NELL2: variants seen among roughly 807,000 people sequenced by gnomAD.
NELL2 encodes the protein protein kinase C-binding protein NELL2.
Under a neutral mutation model 109.6 loss-of-function variants are expected in NELL2, and 41 were observed. The ratio of observed to expected loss-of-function variants is 0.37; its 90% CI spans 0.29 to 0.49. The LOEUF (loss-of-function observed/expected upper bound fraction) is 0.49, where lower values mean the gene tolerates loss of function less well. Ranked by LOEUF, NELL2 falls within the 20% of genes least tolerant of loss-of-function variation. NELL2 has a pLI of 0.98. For synonymous variants in NELL2, 355 were observed against 344.7 expected (o/e 1.03, Z -0.33); for missense variants, 900 against 1,008.3 (o/e 0.89, Z 1.45).
At chr12:44,570,562 TAGTATC>T (rs2136194916) in intron 15 of NELL2, among the ~76,000 whole-genome samples, 1 of 152,288 alleles carries the variant, frequency 6.6e-6, no homozygotes, top group Admixed American at 6.5e-5. Context: ...ATTTTCCTAT[TAGTATC>T]ATTGCCATGG....
intron 16 of NELL2, among the ~76,000 whole-genome samples, chr12:44,525,746 A>C (rs1374042082): frequency 6.6e-6 from 1 of 152,224 alleles, no homozygotes; most frequent in Non-Finnish European, 1.5e-5. Flanking sequence ...GTCAGCTGTC[A>C]TGTAACTTGG....
intron 13 of NELL2, among the ~76,000 whole-genome samples, chr12:44,655,520 A>T (rs779226626): frequency 4.6e-5 from 7 of 152,176 alleles, no homozygotes; most frequent in Non-Finnish European, 1.0e-4. Context: ...ATGCATGCAC[A>T]TATGTGTTTC....
rs566363968 is a variant in NELL2, at chr12:44,844,503, T to C, written c.185-28367A>G. Among the ~76,000 whole-genome samples the C allele has an allele frequency of 2.0e-5, 3 of 152,278 alleles. No homozygotes were observed. In the East Asian group the frequency reaches 5.8e-4, roughly 29 times the overall value. On this transcript the variant is annotated intron_variant, in intron 2 of 19. Coordinates refer to ENST00000429094, the MANE Select transcript of NELL2 (RefSeq NM_001145108.2). ...TACAACATAGAAAACTAAGCAATTG[T>C]AAAAATCAGCCTCCTCAAAGGTGGG...
At position 44,524,381 on chromosome 12, in the gene NELL2, A is replaced by G. The variant is rs1251442950; in HGVS notation, c.1805-897T>C. On this transcript the variant is annotated intron_variant, in intron 16 of 19. Transcript: ENST00000429094. ...TCAGAGACATGGTATGAGTGGCAAT[A>G]AGTAGTTATTTCCCATTTCATCAGT... Among the ~76,000 whole-genome samples, 4 of 152,332 alleles carry G rather than the reference A, an allele frequency of 2.6e-5. No individual in the cohort carries two copies. The East Asian group carries it at 7.7e-4, about 29-fold the overall frequency.
At chr12:44,871,884 C>A (rs139957256) in intron 2 of NELL2, among the ~76,000 whole-genome samples, 116 of 152,242 alleles carry the variant, frequency 7.6e-4, no homozygotes, top group African/African-American at 2.5e-3. Flanking sequence ...CACTTCTCTT[C>A]TATGGATTAA....
In NELL2 at chr12:44,520,073, T is replaced by C; in HGVS notation, c.2332A>G (p.Asn778Asp). ...GAGGACCCGGTGAAGCGAACCACATTCATTTCGTCCAGGCAAGTCTTGGTG... is the reference window on the plus strand; with the variant it reads ...GAGGACCCGGTGAAGCGAACCACATCCATTTCGTCCAGGCAAGTCTTGGTG... ...DITKTCLDEM[N>D]VVRFTGSSWI... The change falls in exon 19 of 20, where the codon AAT becomes GAT. Residue 778 changes from asparagine to aspartate, a missense_variant. Asn to Asp is a conservative substitution (Grantham distance 23). Around this residue, in one of 4 missense-constraint regions of NELL2, gnomAD observed 333 missense variants for 432.3 expected, o/e 0.77. Transcript: ENST00000429094. The C allele has an allele frequency of 6.2e-7, 1 of 1,614,106 alleles. No homozygotes were observed. Among genetic ancestry groups the C allele is most frequent in the Non-Finnish European group, 8.5e-7 (1 of 1,180,022 alleles).
At position 44,779,774 on chromosome 12, in the gene NELL2, C is replaced by T. The variant is rs1481896184; in HGVS notation, c.510-15G>A. On this transcript the variant is annotated splice_polypyrimidine_tract_variant and intron_variant, in intron 4 of 19. Transcript: ENST00000429094. Reference sequence around the variant, plus strand: ...TTTCATAAATTCTGCAAAAAAGAAACATCAAAGAAGGAACGTGAGTAGACA... The same window carrying T: ...TTTCATAAATTCTGCAAAAAAGAAATATCAAAGAAGGAACGTGAGTAGACA... 2 of 1,613,656 alleles carry T rather than the reference C, an allele frequency of 1.2e-6. No individual in the cohort carries two copies. Among genetic ancestry groups the T allele is most frequent in the Non-Finnish European group, 1.7e-6 (2 of 1,179,666 alleles).
chr12:44,707,517 T>A (rs1258312725), intron 11 of NELL2, among the ~76,000 whole-genome samples: 1 of 152,156 alleles, frequency 6.6e-6, no homozygotes, highest in Non-Finnish European at 1.5e-5. Context: ...GGCCTACATA[T>A]TCCATTTTTT....
At chr12:44,673,224 AT>A (rs1279639720) in intron 12 of NELL2, among the ~76,000 whole-genome samples, 2 of 152,324 alleles carry the variant, frequency 1.3e-5, no homozygotes, top group East Asian at 3.9e-4. Flanking sequence ...AGTCATTTCC[AT>A]TTACATGTAC....
chr12:44,726,535 T>C (rs931764365), intron 9 of NELL2, among the ~76,000 whole-genome samples: 5 of 152,192 alleles, frequency 3.3e-5, no homozygotes, highest in Admixed American at 3.3e-4. Context: ...TCAACTTTAT[T>C]TCATTCTAAA....
At chr12:44,731,189 T>C (rs967737587) in intron 9 of NELL2, among the ~76,000 whole-genome samples, 2 of 152,110 alleles carry the variant, frequency 1.3e-5, no homozygotes, top group African/African-American at 4.8e-5. Flanking sequence ...TTAATGGTAA[T>C]CTTTTTCAAA....
chr12:44,573,114 G>C (rs1200547960), intron 15 of NELL2, among the ~76,000 whole-genome samples: 1 of 152,208 alleles, frequency 6.6e-6, no homozygotes, highest in African/African-American at 2.4e-5. Context: ...TCTTAGAAAT[G>C]AGAGCATAGC....
At chr12:44,834,717 T>G (rs1391476008) in intron 2 of NELL2, among the ~76,000 whole-genome samples, 3 of 152,056 alleles carry the variant, frequency 2.0e-5, no homozygotes, top group African/African-American at 7.2e-5. Flanking sequence ...CCTCCTCACT[T>G]AGACCTTTAA....
chr12:44,875,047 G>T, intron 2 of NELL2, 178 bp downstream of exon 2: 1 of 750,590 alleles, frequency 1.3e-6, no homozygotes, highest in Non-Finnish European at 2.1e-6. Flanking sequence ...GGGTGAGGCA[G>T]GGGAGAAAAA....
At chr12:44,522,523 ATTTTG>A (rs762814361) in intron 17 of NELL2, among the ~76,000 whole-genome samples, 1 of 152,140 alleles carries the variant, frequency 6.6e-6, no homozygotes, top group Non-Finnish European at 1.5e-5. Flanking sequence ...TACTAACTAA[ATTTTG>A]TTTTGTTTGA....
chr12:44,654,412 G>T (rs17651646), intron 13 of NELL2, among the ~76,000 whole-genome samples: 1 of 152,096 alleles, frequency 6.6e-6, no homozygotes, highest in Non-Finnish European at 1.5e-5. Flanking sequence ...AATACTCATC[G>T]TTTGTGGTAG....
chr12:44,654,939 C>G (rs1234052798), intron 13 of NELL2, among the ~76,000 whole-genome samples: 1 of 152,080 alleles, frequency 6.6e-6, no homozygotes. Flanking sequence ...ATGTCAAAGC[C>G]AACAATCAAG....
In NELL2 at chr12:44,528,097, C is replaced by CAAAAAAAA. The variant is rs71093812; in HGVS notation, c.1804+4476_1804+4483dup. 9.5e-4 allele frequency among the ~76,000 whole-genome samples: 21 copies of CAAAAAAAA among 21,996 alleles called. 1 individual carries two copies. In the South Asian group the frequency reaches 0.011, roughly 11 times the overall value. 14.4% of individuals were successfully genotyped at this position (21,996 alleles called of 152,430 possible). On this transcript the variant is annotated intron_variant, in intron 16 of 19. Coordinates refer to ENST00000429094, the MANE Select transcript of NELL2 (RefSeq NM_001145108.2). Reference sequence around the variant, plus strand: ...TGGGCGACAGAGCGAGACTCCGTCTCAAAAAAAAAAAAAAAAAAAAAAAAA... The same window carrying CAAAAAAAA: ...TGGGCGACAGAGCGAGACTCCGTCTCAAAAAAAAAAAAAAAAAAAAAAAAAAAAAAAAA...
intron 1 of NELL2, among the ~76,000 whole-genome samples, chr12:44,904,113 G>A (rs1046008370): frequency 4.6e-5 from 7 of 151,638 alleles, no homozygotes; most frequent in African/African-American, 1.2e-4. Flanking sequence ...GTATGGCCAG[G>A]AACACTTAAA....
Sources: allele counts gnomAD v4.1 joint callset (sites outside exome capture counted in the v4.1 genomes callset), GRCh38; gene constraint gnomAD v4.1.1; regional missense constraint gnomAD v4.1.1; transcripts MANE v1.5; gene names NCBI Gene and HGNC (gene_info 2026-07-23, HGNC 2026-07-21).